The following SIRT3 variants were observed in gnomAD, a reference collection of about 807,000 sequenced individuals.
The protein encoded by SIRT3 is NAD-dependent protein deacetylase sirtuin-3, mitochondrial.
SIRT3 carries 26 observed loss-of-function variants against 33.5 expected under a neutral mutation model. That is an observed-to-expected ratio of 0.78 (90% CI 0.57 to 1.08). SIRT3 has a LOEUF of 1.08. Among genes scored for constraint, SIRT3 ranks in the 50% least tolerant of loss-of-function variants. The pLI is 0.00. For synonymous variants in SIRT3, 237 were observed against 222.1 expected (o/e 1.07, Z -0.60); for missense variants, 585 against 530.1 (o/e 1.10, Z -1.02).
chr11:220,554 A>AC (rs1297341698), intron 5 of SIRT3, among the ~76,000 whole-genome samples: 1 of 151,856 alleles, frequency 6.6e-6, no homozygotes, highest in Non-Finnish European at 1.5e-5. Context: ...CAAAATCCGC[A>AC]CCCCCCTCCA....
chr11:236,131 G>C lies in SIRT3; in HGVS notation c.198C>G (p.Pro66=), dbSNP rs774093099. The change falls in exon 1 of 7, where the codon CCC becomes CCG. Residue 66 remains proline, a synonymous_variant. Coordinates refer to ENST00000382743, the MANE Select transcript of SIRT3 (RefSeq NM_012239.6). ...ARGEPLDPAR[P]LQRPPRPEVP... ...CCTCGGGTCTGGGAGGCCTCTGCAAGGGGCGCGCCGGGTCCAAGGGCTCAC... is the reference window on the plus strand; with the variant it reads ...CCTCGGGTCTGGGAGGCCTCTGCAACGGGCGCGCCGGGTCCAAGGGCTCAC... The C allele has an allele frequency of 1.3e-6, 2 of 1,575,510 alleles. No individual in the cohort carries two copies. Among genetic ancestry groups the C allele is most frequent in the African/African-American group, 1.4e-5 (1 of 73,782 alleles).
chr11:235,962 C>A, intron 1 of SIRT3, 86 bp downstream of exon 1: 1 of 1,379,052 alleles, frequency 7.3e-7, no homozygotes, highest in Non-Finnish European at 9.5e-7. Flanking sequence ...CCAGACATGC[C>A]GCAAAGGAAA....
At chr11:220,051 T>G (rs1032527904) in intron 5 of SIRT3, among the ~76,000 whole-genome samples, 1 of 152,166 alleles carries the variant, frequency 6.6e-6, no homozygotes, top group African/African-American at 2.4e-5. Context: ...TATTAACAGC[T>G]GGGCATGGTG....
At position 221,374 on chromosome 11, in the gene SIRT3, G is replaced by A. The variant is rs552443445; in HGVS notation, c.970-2333C>T. On this transcript the variant is annotated intron_variant, in intron 5 of 6. Transcript: ENST00000382743. ...AATCTTCCTGCCTTGGCCTCCCAGA[G>A]TGCTGGGATAACAGGTGTGAGCCAC... Among the ~76,000 whole-genome samples, 7 of 152,304 alleles carry A rather than the reference G, an allele frequency of 4.6e-5. No individual in the cohort carries two copies. The East Asian group carries it at 1.2e-3, about 25-fold the overall frequency.
intron 4 of SIRT3, among the ~76,000 whole-genome samples, chr11:229,134 C>T (rs954289419): frequency 2.0e-5 from 3 of 152,232 alleles, no homozygotes; most frequent in Non-Finnish European, 2.9e-5. Flanking sequence ...CCAGCTTCTG[C>T]AGATAACAGT....
In SIRT3 at chr11:233,358, C is replaced by A; in HGVS notation, c.458G>T (p.Gly153Val). The change falls in exon 2 of 7, where the codon GGC (glycine) becomes GTC (valine). Residue 153 changes from glycine to valine, a missense_variant. Transcript: ENST00000382743. ...MVGAGISTPS[G>V]IPDFRSPGSG... ...TGGGCAGTACCTGAAGTCTGGAATG[C>A]CACTGGGTGTGCTGATGCCGGCCCC... 2 of 1,613,714 alleles carry A rather than the reference C, an allele frequency of 1.2e-6. No homozygotes were observed. Among genetic ancestry groups the A allele is most frequent in the Non-Finnish European group, 1.7e-6 (2 of 1,179,796 alleles).
At chr11:226,540 C>G (rs1398973958) in intron 4 of SIRT3, among the ~76,000 whole-genome samples, 1 of 151,746 alleles carries the variant, frequency 6.6e-6, no homozygotes, top group Non-Finnish European at 1.5e-5. Context: ...TCCCGAGTAG[C>G]TGGGATTACA....
chr11:216,767 G>A (rs1855702540), intron 6 of SIRT3, 49 bp from the exon 7 acceptor site: 9 of 1,601,800 alleles, frequency 5.6e-6, no homozygotes, highest in South Asian at 1.1e-5. Flanking sequence ...ACACACCCAG[G>A]CAGGCCAGCA....
In SIRT3 at chr11:216,512, A is replaced by G; in HGVS notation, c.*186T>C. ...TGTGACGGGGTGGCCCTGACTGTAA[A>G]CACAGCCCTACCAGTCACTGCAGCT... On this transcript the variant is annotated 3_prime_UTR_variant, in exon 7 of 7. Coordinates refer to ENST00000382743, the MANE Select transcript of SIRT3 (RefSeq NM_012239.6). The G allele has an allele frequency of 1.5e-6, 1 of 650,674 alleles. No homozygotes were observed. The highest frequency in any genetic ancestry group is 2.7e-6 in the Non-Finnish European group (1 of 363,880). The allele number at this position is 650,674 out of a possible 1,614,324, so 40.3% of individuals were successfully genotyped here.
In SIRT3 at chr11:223,995, T is replaced by C; in HGVS notation, c.969+83A>G. The stretch of plus-strand genomic sequence containing the variant: ...CTCCAGACTCCTCCCTGCACAGGCC[T>C]GCCGACAGCCCATGAGATGACTCCT... On this transcript the variant is annotated intron_variant, in intron 5 of 6. Coordinates refer to ENST00000382743, the MANE Select transcript of SIRT3 (RefSeq NM_012239.6). The surrounding 1 kb of genome is among the most constrained non-coding windows in gnomAD (Gnocchi z 4.8). 1 of 464,274 alleles carries C rather than the reference T, an allele frequency of 2.2e-6. No individual in the cohort carries two copies. Among genetic ancestry groups the C allele is most frequent in the Non-Finnish European group, 3.6e-6 (1 of 274,744 alleles). 28.8% of individuals were successfully genotyped at this position (464,274 alleles called of 1,614,324 possible).
In SIRT3 at chr11:236,106, C is replaced by T. The variant is rs771078215; in HGVS notation, c.223G>A (p.Val75Met). Reference protein sequence around the residue: ...RPLQRPPRPEVPRAFRRQPRA... With the variant: ...RPLQRPPRPEMPRAFRRQPRA... ...GGCTGCCTCCGGAATGCCCTGGGCA[C>T]CTCGGGTCTGGGAGGCCTCTGCAAG... Residue 75 changes from valine to methionine, a missense_variant, in exon 1 of 7, where the codon GTG becomes ATG. By Grantham distance (21) the Val-to-Met change is conservative. Transcript: ENST00000382743. 4 of 1,580,354 alleles carry T rather than the reference C, an allele frequency of 2.5e-6. No individual in the cohort carries two copies. The East Asian group carries it at 9.5e-5, about 37-fold the overall frequency.
At chr11:226,757 AT>A (rs66851716) in intron 4 of SIRT3, among the ~76,000 whole-genome samples, 67,127 of 136,796 alleles carry the variant, frequency 0.49, 18,631 homozygotes, top group African/African-American at 0.78. Flanking sequence ...TATTATTATT[AT>A]TTTTTTTTTT....
intron 5 of SIRT3, among the ~76,000 whole-genome samples, chr11:219,385 C>T (rs1369023836): frequency 6.6e-6 from 1 of 152,198 alleles, no homozygotes; most frequent in East Asian, 1.9e-4. Context: ...ACCTCGCTGT[C>T]TCCCAGCATG....
chr11:235,631 A>G (rs557698773), intron 1 of SIRT3, among the ~76,000 whole-genome samples: 1 of 152,156 alleles, frequency 6.6e-6, no homozygotes, highest in African/African-American at 2.4e-5. Flanking sequence ...ATTTTTTCCT[A>G]TGTAGCCTCA....
At chr11:222,353 T>G (rs1849580293) in intron 5 of SIRT3, 1 of 153,310 alleles carries the variant, frequency 6.5e-6, no homozygotes, top group African/African-American at 2.4e-5. Flanking sequence ...AAGGCTGAGT[T>G]CCTGAGCTCC....
chr11:227,627 T>C (rs975383598), intron 4 of SIRT3, among the ~76,000 whole-genome samples: 3 of 152,048 alleles, frequency 2.0e-5, no homozygotes, highest in Admixed American at 6.6e-5. Flanking sequence ...CTCTTATTTA[T>C]TTATTTATTT....
chr11:236,313 A>G lies in SIRT3; in HGVS notation c.16T>C (p.Trp6Arg). 6.6e-7 allele frequency: 1 copy of G among 1,511,248 alleles called. No homozygotes were observed. The highest frequency in any genetic ancestry group is 8.8e-7 in the Non-Finnish European group (1 of 1,137,246). 93.6% of individuals were successfully genotyped at this position (1,511,248 alleles called of 1,614,324 possible). A position where few individuals can be genotyped will look rare whatever the true frequency, so the allele number is the denominator to read the frequency against. MAFWG[W>R]RAAAALRLWG... ...AGCCGGAGGGCTGCCGCGGCGCGCCAACCCCAGAACGCCATGTTCCGCGCA... is the reference window on the plus strand; with the variant it reads ...AGCCGGAGGGCTGCCGCGGCGCGCCGACCCCAGAACGCCATGTTCCGCGCA... Residue 6 changes from tryptophan (W) to arginine (R), a missense_variant, in exon 1 of 7, where the codon TGG becomes CGG. Coordinates refer to ENST00000382743, the MANE Select transcript of SIRT3 (RefSeq NM_012239.6).
At chr11:230,897 G>A (rs1157515046) in intron 3 of SIRT3, among the ~76,000 whole-genome samples, 10 of 152,214 alleles carry the variant, frequency 6.6e-5, no homozygotes, top group Admixed American at 6.5e-4. Context: ...GCCGAGGTGG[G>A]CAGATCATTT....
chr11:233,691 C>T, intron 1 of SIRT3, 157 bp from the exon 2 acceptor site: 1 of 677,238 alleles, frequency 1.5e-6, no homozygotes, highest in Non-Finnish European at 2.5e-6. Flanking sequence ...TCTTAGACGA[C>T]TATTGGGGTA....
Sources: allele counts gnomAD v4.1 joint callset (sites outside exome capture counted in the v4.1 genomes callset), GRCh38; gene constraint gnomAD v4.1.1; non-coding constraint Gnocchi (gnomAD v3.1); transcripts MANE v1.5; gene names NCBI Gene and HGNC (gene_info 2026-07-23, HGNC 2026-07-21).